The following MAP3K4 variants were observed in gnomAD, a reference collection of about 807,000 sequenced individuals.
MAP3K4 encodes the protein mitogen-activated protein kinase kinase kinase 4, also known as MAP three kinase 1.
In MAP3K4, 67 loss-of-function variants were observed where a neutral mutation model predicts 185.6. The ratio of observed to expected loss-of-function variants is 0.36; its 90% CI spans 0.30 to 0.44. MAP3K4 has a LOEUF of 0.44. MAP3K4 is among the 20% of genes least tolerant of loss of function. The probability of loss-of-function intolerance (pLI) is 1.00; values close to 1 mark genes in which losing one functional copy is unlikely to be tolerated. For missense variants in MAP3K4, 1,551 were observed against 1,995.1 expected (o/e 0.78, Z 4.24); for synonymous variants, 702 against 710.4 (o/e 0.99, Z 0.19).
At position 161,067,355 on chromosome 6, in the gene MAP3K4, C is replaced by T. The variant is rs193035990; in HGVS notation, c.1708-3253C>T. On this transcript the variant is annotated intron_variant, in intron 3 of 26. Coordinates refer to ENST00000392142, the MANE Select transcript of MAP3K4 (RefSeq NM_005922.4). This position sits in a 1 kb window ranked among gnomAD's most constrained non-coding sequence, Gnocchi z 6.3. ...ATTTCTGATTAGCTTCCTTATGCAT[C>T]GATCTCAGTGAGCAGAGGGAACAGG... is the stretch of plus-strand genomic sequence containing the variant. 727 of 365,284 alleles carry T rather than the reference C, an allele frequency of 2.0e-3. 2 individuals carry two copies. Among genetic ancestry groups the T allele is most frequent in the Non-Finnish European group, 3.3e-3 (592 of 179,704 alleles). The allele number at this position is 365,284 out of a possible 1,614,324, so 22.6% of individuals were successfully genotyped here.
chr6:161,086,546 C>G lies in MAP3K4; in HGVS notation c.2473-38C>G. 6.2e-7 allele frequency: 1 copy of G among 1,601,692 alleles called. No individual in the cohort carries two copies. ...TTTCTTTTATCTTATTTTTTTAATG[C>G]TAACCGTAAAGAAGTTTCTTTGTAA... On this transcript the variant is annotated intron_variant, in intron 8 of 26. Transcript: ENST00000392142. This position sits in a 1 kb window ranked among gnomAD's most constrained non-coding sequence, Gnocchi z 4.8.
chr6:161,115,808 C>T lies in MAP3K4; in HGVS notation c.4806+506C>T, dbSNP rs959362473. Among the ~76,000 whole-genome samples the T allele has an allele frequency of 5.3e-5, 8 of 152,088 alleles. No homozygotes were observed. The highest frequency in any genetic ancestry group is 7.4e-5 in the Non-Finnish European group (5 of 68,024). ...AAGTAAAGAAACTTGGAAACGCTCA[C>T]CCTTCCGGGAGAGTGGGATGGTCAC... On this transcript the variant is annotated intron_variant, in intron 26 of 26. Transcript: ENST00000392142. This position sits in a 1 kb window ranked among gnomAD's most constrained non-coding sequence, Gnocchi z 6.0.
At chr6:161,085,017 C>T (rs547500280) in intron 7 of MAP3K4, among the ~76,000 whole-genome samples, 6 of 152,014 alleles carry the variant, frequency 3.9e-5, no homozygotes, top group African/African-American at 1.4e-4. Context: ...CGTGGTGGCA[C>T]GCACCCGTGA....
In MAP3K4 at chr6:161,049,210, A is replaced by G. The variant is rs200468674; in HGVS notation, c.938A>G (p.Asp313Gly). Reference protein sequence around the residue: ...VDYGSFAFVRDRAGFNGTSVE... With the variant: ...VDYGSFAFVRGRAGFNGTSVE... ...TATGGGAGCTTCGCCTTTGTTAGAG[A>G]TAGAGCTGGTTTTAATGGTACTTCA... is the stretch of plus-strand genomic sequence containing the variant. Residue 313 changes from aspartate (D) to glycine (G), a missense_variant, in exon 3 of 27, where the codon GAT (aspartate) becomes GGT (glycine). Around this residue, in one of 16 missense-constraint regions of MAP3K4, gnomAD observed 93 missense variants for 96.7 expected, o/e 0.96. Transcript: ENST00000392142. The surrounding 1 kb of genome is among the most constrained non-coding windows in gnomAD (Gnocchi z 8.4). 82 of 1,614,070 alleles carry G rather than the reference A, an allele frequency of 5.1e-5. No individual in the cohort carries two copies. In the Admixed American group the frequency reaches 6.8e-4, roughly 13 times the overall value.
intron 1 of MAP3K4, among the ~76,000 whole-genome samples, chr6:161,000,805 C>G (rs560321542): frequency 7.0e-6 from 1 of 143,538 alleles, no homozygotes; most frequent in Admixed American, 6.8e-5. Flanking sequence ...ATGTGTACAC[C>G]CATATATACA....
chr6:161,065,843 C>G (rs893858971), intron 3 of MAP3K4, among the ~76,000 whole-genome samples: 2 of 142,486 alleles, frequency 1.4e-5, no homozygotes, highest in Non-Finnish European at 3.0e-5. Context: ...GAGGCTGAGG[C>G]AGGAGAATGG....
At chr6:161,009,229 C>T (rs1781739148) in intron 1 of MAP3K4, among the ~76,000 whole-genome samples, 1 of 152,114 alleles carries the variant, frequency 6.6e-6, no homozygotes, top group African/African-American at 2.4e-5. Flanking sequence ...CGTCATCCAC[C>T]CGCCTCGGCC....
chr6:161,104,430 AAAAG>A (rs1777968740), intron 19 of MAP3K4, among the ~76,000 whole-genome samples: 1 of 151,192 alleles, frequency 6.6e-6, no homozygotes. Flanking sequence ...AAAAAAAAAA[AAAAG>A]CAGGCACAGT....
intron 1 of MAP3K4, 33 bp downstream of exon 1, chr6:160,992,116 G>T: frequency 6.6e-7 from 1 of 1,520,874 alleles, no homozygotes. Context: ...GTCGCTCGCA[G>T]AAAGCGGGGC....
chr6:161,003,290 G>A (rs977854552), intron 1 of MAP3K4, among the ~76,000 whole-genome samples: 1 of 152,084 alleles, frequency 6.6e-6, no homozygotes, highest in Non-Finnish European at 1.5e-5. Context: ...AAATTGTAAT[G>A]AGGTATAGAT....
intron 1 of MAP3K4, among the ~76,000 whole-genome samples, chr6:161,018,974 G>A (rs1461972511): frequency 6.6e-6 from 1 of 152,206 alleles, no homozygotes; most frequent in African/African-American, 2.4e-5. Context: ...TAGGGATATA[G>A]CAGTAGAAAC....
rs1431720037 is a variant in MAP3K4, at chr6:161,076,647, GATTT to G, written c.2097+3038_2097+3041del. ...CAGCCTTAAGGAAACCACTTAAAAA[GATTT>G]ATAAGGATTGAAAATATGAAAATGA... On this transcript the variant is annotated intron_variant, in intron 5 of 26. Coordinates refer to ENST00000392142, the MANE Select transcript of MAP3K4 (RefSeq NM_005922.4). This position sits in a 1 kb window ranked among gnomAD's most constrained non-coding sequence, Gnocchi z 4.2. 1.3e-5 allele frequency among the ~76,000 whole-genome samples: 2 copies of G among 152,162 alleles called. No individual in the cohort carries two copies. Among genetic ancestry groups the G allele is most frequent in the Non-Finnish European group, 2.9e-5 (2 of 68,036 alleles).
At position 161,054,397 on chromosome 6, in the gene MAP3K4, C is replaced by G. The variant is rs1011778467; in HGVS notation, c.1707+4418C>G. Among the ~76,000 whole-genome samples, 3 of 152,152 alleles carry G rather than the reference C, an allele frequency of 2.0e-5. No individual in the cohort carries two copies. The highest frequency in any genetic ancestry group is 2.9e-5 in the Non-Finnish European group (2 of 68,022). On this transcript the variant is annotated intron_variant, in intron 3 of 26. Coordinates refer to ENST00000392142, the MANE Select transcript of MAP3K4 (RefSeq NM_005922.4). The surrounding 1 kb of genome is among the most constrained non-coding windows in gnomAD (Gnocchi z 4.2). ...CTCAAACTCCTGACCTCACATGATC[C>G]ACCCGCCTTGGCCTCCCAAAGTGCT...
chr6:161,035,791 G>A (rs372656780), intron 2 of MAP3K4, among the ~76,000 whole-genome samples: 1 of 152,138 alleles, frequency 6.6e-6, no homozygotes, highest in East Asian at 1.9e-4. Flanking sequence ...TATTTGCTTC[G>A]TGTTAGTAAA....
rs1785913758 is a variant in MAP3K4, at chr6:161,089,418, C to G, written c.2920C>G (p.Gln974Glu). 6.2e-7 allele frequency: 1 copy of G among 1,614,216 alleles called. No individual in the cohort carries two copies. Residue 974 changes from glutamine to glutamate, a missense_variant, in exon 11 of 27, where the codon CAG (glutamine) becomes GAG (glutamate). Physicochemically the swap from Gln to Glu is conservative, Grantham distance 29. Around this residue, in one of 16 missense-constraint regions of MAP3K4, gnomAD observed 261 missense variants for 306.5 expected, o/e 0.85. Coordinates refer to ENST00000392142, the MANE Select transcript of MAP3K4 (RefSeq NM_005922.4). ...CATTGAGGGACTTATGACTCTGTGCCAGGAGCAGACATCCAGTCAGCCGGT... is the reference window on the plus strand; with the variant it reads ...CATTGAGGGACTTATGACTCTGTGCGAGGAGCAGACATCCAGTCAGCCGGT... ...QSIEGLMTLC[Q>E]EQTSSQPVIA...
At position 161,003,044 on chromosome 6, in the gene MAP3K4, A is replaced by G. The variant is rs1781402143; in HGVS notation, c.152+10961A>G. On this transcript the variant is annotated intron_variant, in intron 1 of 26. Coordinates refer to ENST00000392142, the MANE Select transcript of MAP3K4 (RefSeq NM_005922.4). ...TTTGAATTTGATAACATGATATAAC[A>G]TATGGTTTGTGACATATGATTCCAC... Among the ~76,000 whole-genome samples, 3 of 152,022 alleles carry G rather than the reference A, an allele frequency of 2.0e-5. No individual in the cohort carries two copies. In the South Asian group the frequency reaches 6.2e-4, roughly 32 times the overall value.
At position 161,064,707 on chromosome 6, in the gene MAP3K4, T is replaced by C. The variant is rs1028684298; in HGVS notation, c.1708-5901T>C. Among the ~76,000 whole-genome samples, 8 of 152,358 alleles carry C rather than the reference T, an allele frequency of 5.3e-5. No homozygotes were observed. Among genetic ancestry groups the C allele is most frequent in the African/African-American group, 1.7e-4 (7 of 41,580 alleles). On this transcript the variant is annotated intron_variant, in intron 3 of 26. Coordinates refer to ENST00000392142, the MANE Select transcript of MAP3K4 (RefSeq NM_005922.4). The surrounding 1 kb of genome is among the most constrained non-coding windows in gnomAD (Gnocchi z 4.3). Reference sequence around the variant, plus strand: ...CACAACATGACATCAGAATTATTATTGTAATTACATTGCATGGTCTTAATA... The same window carrying C: ...CACAACATGACATCAGAATTATTATCGTAATTACATTGCATGGTCTTAATA...
intron 1 of MAP3K4, among the ~76,000 whole-genome samples, chr6:161,026,476 A>G (rs74298741): frequency 0.087 from 13,215 of 152,088 alleles, 645 homozygotes; most frequent in East Asian, 0.16. Context: ...TCTTCTCACT[A>G]TCCTATACAC....
At position 161,082,427 on chromosome 6, in the gene MAP3K4, T is replaced by C. The variant is rs1427517544; in HGVS notation, c.2255+1389T>C. ...ACCCTCACTTCCTCTTGTCAGTCTT[T>C]GTGTTTCTATCTTTTGCTTGTCCTT... is the stretch of plus-strand genomic sequence containing the variant. On this transcript the variant is annotated intron_variant, in intron 6 of 26. Transcript: ENST00000392142. The surrounding 1 kb of genome is among the most constrained non-coding windows in gnomAD (Gnocchi z 4.2). Among the ~76,000 whole-genome samples, 8 of 33,838 alleles carry C rather than the reference T, an allele frequency of 2.4e-4. No individual in the cohort carries two copies. The highest frequency in any genetic ancestry group is 2.0e-4 in the Non-Finnish European group (4 of 20,188). 22.2% of individuals were successfully genotyped at this position (33,838 alleles called of 152,430 possible).
Sources: gnomAD v4.1 joint callset for allele counts (sites outside exome capture counted in the v4.1 genomes callset) on GRCh38, gnomAD v4.1.1 for gene constraint, gnomAD v4.1.1 regional missense constraint, Gnocchi (gnomAD v3.1) non-coding constraint, MANE v1.5 for transcripts, NCBI Gene and HGNC (gene_info 2026-07-23, HGNC 2026-07-21) for gene names.